XKR4: variants seen among roughly 807,000 people sequenced by gnomAD.
The protein encoded by XKR4 is XK related 4, also known as XK-related protein 4.
XKR4 carries 12 observed loss-of-function variants against 53.9 expected under a neutral mutation model. The ratio of observed to expected loss-of-function variants is 0.22; its 90% CI spans 0.14 to 0.36. XKR4 has a LOEUF of 0.36. Among genes scored for constraint, XKR4 ranks in the 10% least tolerant of loss-of-function variants. The pLI is 1.00. For missense variants in XKR4, 799 were observed against 859.5 expected (o/e 0.93, Z 0.88); for synonymous variants, 354 against 362.4 (o/e 0.98, Z 0.26).
intron 1 of XKR4, among the ~76,000 whole-genome samples, chr8:55,179,733 G>A (rs1366350624): frequency 6.6e-6 from 1 of 152,146 alleles, no homozygotes; most frequent in Admixed American, 6.5e-5. Flanking sequence ...TTGGAGTGCA[G>A]CAATAGTACA....
Position 55,102,992 on chromosome 8 carries a change from G to A in XKR4, c.504G>A (p.Val168=). The change falls in exon 1 of 3, where the codon GTG becomes GTA. Residue 168 remains valine (V), a synonymous_variant. Coordinates refer to ENST00000327381, the MANE Select transcript of XKR4 (RefSeq NM_052898.2). The surrounding 1 kb of genome is among the most constrained non-coding windows in gnomAD (Gnocchi z 5.1). ...SVQVFSFRWF[V]HDFSTEDSAT... is the part of the protein sequence containing the mutation. ...AAGTGTTCAGCTTCCGCTGGTTTGT[G>A]CACGATTTCAGCACCGAGGACAGCG... 4 of 1,612,104 alleles carry A rather than the reference G, an allele frequency of 2.5e-6. No individual in the cohort carries two copies. The highest frequency in any genetic ancestry group is 3.4e-6 in the Non-Finnish European group (4 of 1,179,882).
intron 1 of XKR4, among the ~76,000 whole-genome samples, chr8:55,294,347 C>T (rs1194958934): frequency 6.6e-6 from 1 of 152,198 alleles, no homozygotes; most frequent in African/African-American, 2.4e-5. Context: ...CCATCTTGAT[C>T]AAGTGTGTTT....
intron 1 of XKR4, among the ~76,000 whole-genome samples, chr8:55,186,109 GT>G (rs1325406666): frequency 6.6e-6 from 1 of 152,140 alleles, no homozygotes; most frequent in Non-Finnish European, 1.5e-5. Context: ...CAGTCATTCA[GT>G]TTTCCCACCC....
chr8:55,113,657 TTAGTG>T (rs1215888165), intron 1 of XKR4, among the ~76,000 whole-genome samples: 1 of 152,214 alleles, frequency 6.6e-6, no homozygotes, highest in Non-Finnish European at 1.5e-5. Context: ...GTCTGGGCTT[TTAGTG>T]TACCTGTCAC....
intron 2 of XKR4, among the ~76,000 whole-genome samples, chr8:55,520,737 T>G (rs1038557266): frequency 6.6e-6 from 1 of 152,216 alleles, no homozygotes; most frequent in African/African-American, 2.4e-5. Context: ...TAGAAAGCCT[T>G]CATTTTTCTA....
chr8:55,425,325 G>A (rs1280774587), intron 2 of XKR4, among the ~76,000 whole-genome samples: 1 of 152,172 alleles, frequency 6.6e-6, no homozygotes, highest in Non-Finnish European at 1.5e-5. Context: ...TGCTCACCTG[G>A]AGGTTGGCCC....
At chr8:55,451,798 C>T (rs1585580542) in intron 2 of XKR4, 4 of 1,007,954 alleles carry the variant, frequency 4.0e-6, no homozygotes, top group Non-Finnish European at 6.2e-6. Context: ...CTGATAGTCG[C>T]GGCAGCAAGC....
chr8:55,457,061 A>T (rs1805580464), intron 2 of XKR4, among the ~76,000 whole-genome samples: 1 of 152,098 alleles, frequency 6.6e-6, no homozygotes. Context: ...AAAAAATATG[A>T]TTAATAGCTG....
At position 55,460,024 on chromosome 8, in the gene XKR4, AC is replaced by A. The variant is rs57920184; in HGVS notation, c.1007-63255del. ...TAGCCAAATGCTGAAAAAAAAAAAAACCAAATGTCCATCAACTGGTGAATGC... is the reference window on the plus strand; with the variant it reads ...TAGCCAAATGCTGAAAAAAAAAAAAACAAATGTCCATCAACTGGTGAATGC... On this transcript the variant is annotated intron_variant, in intron 2 of 2. Coordinates refer to ENST00000327381, the MANE Select transcript of XKR4 (RefSeq NM_052898.2). 1.1e-3 allele frequency among the ~76,000 whole-genome samples: 162 copies of A among 150,296 alleles called. 1 individual carries two copies. The highest frequency in any genetic ancestry group is 3.9e-3 in the African/African-American group (160 of 41,214).
chr8:55,172,211 A>T (rs1817169155), intron 1 of XKR4, among the ~76,000 whole-genome samples: 1 of 112,034 alleles, frequency 8.9e-6, no homozygotes, highest in Non-Finnish European at 1.7e-5. Context: ...ACTCTCTCTC[A>T]AAAAAAAAAA....
At chr8:55,420,314 C>T (rs1245919746) in intron 2 of XKR4, among the ~76,000 whole-genome samples, 2 of 152,048 alleles carry the variant, frequency 1.3e-5, no homozygotes, top group African/African-American at 4.8e-5. Flanking sequence ...ATAAATCATG[C>T]TGCTATAAAG....
At chr8:55,213,296 G>A (rs892020715) in intron 1 of XKR4, among the ~76,000 whole-genome samples, 67 of 152,120 alleles carry the variant, frequency 4.4e-4, no homozygotes, top group African/African-American at 1.6e-3. Flanking sequence ...AGTGTTGATT[G>A]TTGGGTCGGA....
intron 1 of XKR4, among the ~76,000 whole-genome samples, chr8:55,148,135 G>C (rs1023724052): frequency 6.6e-6 from 1 of 152,208 alleles, no homozygotes; most frequent in African/African-American, 2.4e-5. Context: ...ACAGAGCTCT[G>C]ATATCTGAAT....
At chr8:55,268,494 GT>G (rs749734615) in intron 1 of XKR4, among the ~76,000 whole-genome samples, 4 of 152,050 alleles carry the variant, frequency 2.6e-5, no homozygotes, top group African/African-American at 4.8e-5. Flanking sequence ...TACATGGTAG[GT>G]AAAAATGCCG....
At chr8:55,152,747 C>A (rs753059621) in intron 1 of XKR4, among the ~76,000 whole-genome samples, 1 of 152,132 alleles carries the variant, frequency 6.6e-6, no homozygotes, top group Non-Finnish European at 1.5e-5. Flanking sequence ...TGCTCTAATA[C>A]AGTTCAGTCA....
chr8:55,471,119 G>A (rs1474935081), intron 2 of XKR4, among the ~76,000 whole-genome samples: 1 of 152,148 alleles, frequency 6.6e-6, no homozygotes, highest in Non-Finnish European at 1.5e-5. Flanking sequence ...TTCAGTCCTT[G>A]AGGGCAGCAG....
chr8:55,401,581 C>T (rs1410441100), intron 2 of XKR4, among the ~76,000 whole-genome samples: 3 of 152,316 alleles, frequency 2.0e-5, no homozygotes, highest in South Asian at 4.1e-4. Context: ...GCATGATCTG[C>T]GTTCCACAGA....
intron 2 of XKR4, among the ~76,000 whole-genome samples, chr8:55,362,214 G>A (rs969095451): frequency 7.2e-5 from 11 of 152,126 alleles, no homozygotes; most frequent in Admixed American, 1.3e-4. Context: ...GTAGGTCTCA[G>A]GTGGGGCCTG....
At chr8:55,194,528 A>C (rs969800051) in intron 1 of XKR4, among the ~76,000 whole-genome samples, 3 of 152,234 alleles carry the variant, frequency 2.0e-5, no homozygotes, top group Admixed American at 6.5e-5. Context: ...GCACACTTTA[A>C]GGCAGCGGTC....
Sources: gnomAD v4.1 joint callset for allele counts (sites outside exome capture counted in the v4.1 genomes callset) on GRCh38, gnomAD v4.1.1 for gene constraint, Gnocchi (gnomAD v3.1) non-coding constraint, MANE v1.5 for transcripts, NCBI Gene and HGNC (gene_info 2026-07-23, HGNC 2026-07-21) for gene names.